The following BLNK variants were observed in gnomAD, a reference collection of about 807,000 sequenced individuals.
BLNK encodes the protein B-cell linker protein.
Under a neutral mutation model 73.5 loss-of-function variants are expected in BLNK, and 29 were observed. The ratio of observed to expected loss-of-function variants is 0.39; its 90% CI spans 0.29 to 0.54. The LOEUF (loss-of-function observed/expected upper bound fraction) is 0.54, where lower values mean the gene tolerates loss of function less well. Among genes scored for constraint, BLNK ranks in the 20% least tolerant of loss-of-function variants. The pLI, the probability that BLNK is intolerant of heterozygous loss-of-function variation, is 0.61. For synonymous variants in BLNK, 176 were observed against 200.8 expected, an observed-to-expected ratio of 0.88 and a Z score of 1.04; for missense variants, 460 against 562.8, an observed-to-expected ratio of 0.82 and a Z score of 1.85.
intron 16 of BLNK, among the ~76,000 whole-genome samples, chr10:96,196,282 T>G (rs1554894647): frequency 1.3e-5 from 2 of 152,208 alleles, no homozygotes; most frequent in Admixed American, 6.5e-5. Flanking sequence ...AGACCATTCA[T>G]GGGTTACTCC....
chr10:96,230,687 C>A (rs1842464276), intron 4 of BLNK, 107 bp downstream of exon 4: 1 of 1,343,940 alleles, frequency 7.4e-7, no homozygotes, highest in South Asian at 1.3e-5. Context: ...CAAGTCTTCC[C>A]TCTTGGGACG....
intron 4 of BLNK, among the ~76,000 whole-genome samples, chr10:96,228,873 C>T (rs1842382421): frequency 6.6e-6 from 1 of 152,124 alleles, no homozygotes; most frequent in South Asian, 2.1e-4. Flanking sequence ...TCCACTTGCT[C>T]TTTGGCCTGT....
At chr10:96,242,843 G>A (rs369040620) in intron 2 of BLNK, 59 bp from the exon 3 acceptor site, 5 of 1,400,308 alleles carry the variant, frequency 3.6e-6, no homozygotes, top group South Asian at 2.3e-5. Context: ...GGTCAAAGCC[G>A]ATGCTAGAAG....
rs1554896951 is a variant in BLNK at position 96,204,553 on chromosome 10, G to A, written c.881C>T (p.Pro294Leu). The part of the protein sequence containing the change: ...SSHRQEAVQS[P>L]VFPPAQKQIH... ...TTACTTCTGGGCAGGAGGAAACACT[G>A]GTGACTGCACAGCTTCTTGTCTGTG... The change falls in exon 12 of 17, where the codon CCA becomes CTA. Residue 294 changes from proline (P) to leucine (L), a missense_variant. Pro to Leu is a moderately conservative substitution (Grantham distance 98). Transcript: ENST00000224337. 3 of 1,613,906 alleles carry A rather than the reference G, an allele frequency of 1.9e-6. No homozygotes were observed. Among genetic ancestry groups the A allele is most frequent in the Non-Finnish European group, 2.5e-6 (3 of 1,179,944 alleles).
At chr10:96,197,658 G>C (rs2083503463) in intron 15 of BLNK, among the ~76,000 whole-genome samples, 1 of 152,072 alleles carries the variant, frequency 6.6e-6, no homozygotes, top group Non-Finnish European at 1.5e-5. Flanking sequence ...AACAGAGGTT[G>C]GGAATCAAAA....
chr10:96,192,364 T>C (rs782118661), intron 16 of BLNK, among the ~76,000 whole-genome samples: 1 of 152,194 alleles, frequency 6.6e-6, no homozygotes, highest in Non-Finnish European at 1.5e-5. Flanking sequence ...TAAAATATTA[T>C]AGTATATTGC....
intron 16 of BLNK, among the ~76,000 whole-genome samples, chr10:96,194,575 A>G (rs2083411139): frequency 6.6e-6 from 1 of 152,162 alleles, no homozygotes; most frequent in African/African-American, 2.4e-5. Context: ...TGGAGTGGGA[A>G]AAATATTTGC....
chr10:96,265,437 G>A (rs1405947511), intron 1 of BLNK, among the ~76,000 whole-genome samples: 1 of 152,142 alleles, frequency 6.6e-6, no homozygotes, highest in Non-Finnish European at 1.5e-5. Context: ...ATTACAAGAT[G>A]ACCTTATGTC....
At chr10:96,197,870 C>A (rs1267168677) in intron 15 of BLNK, among the ~76,000 whole-genome samples, 2 of 148,428 alleles carry the variant, frequency 1.3e-5, no homozygotes, top group Admixed American at 1.4e-4. Flanking sequence ...GAGCCAAGAT[C>A]GTGCCACTGC....
At chr10:96,256,680 A>G (rs1843528275) in intron 1 of BLNK, among the ~76,000 whole-genome samples, 1 of 152,172 alleles carries the variant, frequency 6.6e-6, no homozygotes, top group Non-Finnish European at 1.5e-5. Flanking sequence ...CAGGAGTTCA[A>G]GACCAGCCTG....
At chr10:96,202,825 G>A (rs1422597242) in intron 13 of BLNK, among the ~76,000 whole-genome samples, 18 of 152,178 alleles carry the variant, frequency 1.2e-4, no homozygotes, top group Non-Finnish European at 2.2e-4. Context: ...ACACCCGAAT[G>A]TGCTAGGCCT....
At chr10:96,251,079 A>G (rs1591358849) in intron 1 of BLNK, among the ~76,000 whole-genome samples, 1 of 152,246 alleles carries the variant, frequency 6.6e-6, no homozygotes. Flanking sequence ...ACAATAAATT[A>G]TAGTTAACTA....
chr10:96,204,065 G>A lies in BLNK; in HGVS notation c.926C>T (p.Pro309Leu), dbSNP rs1177361907. The A allele has an allele frequency of 3.1e-6, 5 of 1,613,532 alleles. No homozygotes were observed. The highest frequency in any genetic ancestry group is 4.2e-6 in the Non-Finnish European group (5 of 1,179,604). ...GGCTTCGTTGTACTTACTTGGCAGA[G>A]GTATGGGTTTTTGGTGGATTTGTCT... ...AQKQIHQKPI[P>L]LPRFTEGGNP... is the part of the protein sequence containing the mutation. Residue 309 changes from proline to leucine, a missense_variant, in exon 13 of 17, where the codon CCT (proline) becomes CTT (leucine). Transcript: ENST00000224337.
intron 5 of BLNK, among the ~76,000 whole-genome samples, chr10:96,226,871 C>A (rs1554902624): frequency 6.6e-6 from 1 of 151,814 alleles, no homozygotes; most frequent in Non-Finnish European, 1.5e-5. Context: ...AAAACAGACC[C>A]AAGCTGTGTC....
intron 2 of BLNK, among the ~76,000 whole-genome samples, chr10:96,245,967 T>C (rs1474900053): frequency 1.3e-5 from 2 of 152,190 alleles, no homozygotes; most frequent in African/African-American, 2.4e-5. Flanking sequence ...TGATTTTTTT[T>C]CCCTGGTGAA....
intron 8 of BLNK, chr10:96,210,167 T>C (rs891007133): frequency 1.2e-5 from 6 of 502,496 alleles, no homozygotes; most frequent in Non-Finnish European, 2.2e-5. Context: ...TAAAGGACCT[T>C]CTCCTTACCC....
At chr10:96,226,371 A>G (rs1842259271) in intron 5 of BLNK, among the ~76,000 whole-genome samples, 1 of 152,218 alleles carries the variant, frequency 6.6e-6, no homozygotes, top group African/African-American at 2.4e-5. Flanking sequence ...CATTCAGTGA[A>G]GCAAGGAGCA....
rs587721918 is a variant in BLNK, at chr10:96,230,800, A to T, written c.198T>A (p.Asp66Glu). The change falls in exon 4 of 17, where the codon GAT (aspartate) becomes GAA (glutamate). Residue 66 changes from aspartate to glutamate, a missense_variant. Coordinates refer to ENST00000224337, the MANE Select transcript of BLNK (RefSeq NM_013314.4). ...SPADEEEQWS[D>E]DFDSDYENPD... is the part of the protein sequence containing the mutation. ...CCCAGGAGCAAATACTTACAAAGTC[A>T]TCGGACCACTGCTCCTCTTCGTCAG... The T allele has an allele frequency of 6.2e-7, 1 of 1,610,484 alleles. No individual in the cohort carries two copies. Among genetic ancestry groups the T allele is most frequent in the African/African-American group, 1.3e-5 (1 of 75,016 alleles).
chr10:96,227,293 G>A (rs1306390198), intron 5 of BLNK, 117 bp downstream of exon 5: 2 of 1,375,204 alleles, frequency 1.5e-6, no homozygotes, highest in Admixed American at 2.1e-5. Context: ...GCGGGAGCGG[G>A]CGGCTGGCAG....
Sources: allele counts gnomAD v4.1 joint callset (sites outside exome capture counted in the v4.1 genomes callset), GRCh38; gene constraint gnomAD v4.1.1; transcripts MANE v1.5; gene names NCBI Gene and HGNC (gene_info 2026-07-23, HGNC 2026-07-21).